Variants in SORBS2 observed in about 807,000 individuals in gnomAD.
The protein encoded by SORBS2 is sorbin and SH3 domain-containing protein 2.
A neutral mutation model predicts 97.7 loss-of-function variants in SORBS2; 46 were observed. The ratio of observed to expected loss-of-function variants is 0.47; its 90% CI spans 0.37 to 0.60. SORBS2 has a LOEUF of 0.60. Ranked by LOEUF, SORBS2 falls within the 20% of genes least tolerant of loss-of-function variation. SORBS2 has a pLI of 0.00. For synonymous variants in SORBS2, 476 were observed against 473.4 expected, an observed-to-expected ratio of 1.01 and a Z score of -0.07; for missense variants, 1,316 against 1,282.3, an observed-to-expected ratio of 1.03 and a Z score of -0.40.
intron 2 of SORBS2, among the ~76,000 whole-genome samples, chr4:185,682,770 G>A (rs559310368): frequency 2.0e-5 from 3 of 152,194 alleles, no homozygotes; most frequent in South Asian, 2.1e-4. Flanking sequence ...CAGCACTTTC[G>A]GAGGCTGAGG....
chr4:185,624,414 A>G (rs1453390242), exon 7 of SORBS2: 1 of 1,614,180 alleles, frequency 6.2e-7, no homozygotes, highest in Admixed American at 1.7e-5. Context: ...TAAGTGCTAC[A>G]GTAATCTAAC....
At chr4:185,638,703 G>A (rs558119776) in intron 4 of SORBS2, among the ~76,000 whole-genome samples, 174 bp downstream of exon 14, 1 of 151,818 alleles carries the variant, frequency 6.6e-6, no homozygotes, top group Non-Finnish European at 1.5e-5. Context: ...CGAGCTGGGG[G>A]GAGGGGGACA....
At chr4:185,800,036 A>C (rs13111224) in intron 1 of SORBS2, among the ~76,000 whole-genome samples, 70,179 of 152,030 alleles carry the variant, frequency 0.46, 16,883 homozygotes, top group East Asian at 0.65. Context: ...GTCTCTGCTA[A>C]AAATACTATT....
chr4:185,841,281 G>A (rs1463257217), intron 1 of SORBS2, among the ~76,000 whole-genome samples: 1 of 152,132 alleles, frequency 6.6e-6, no homozygotes, highest in East Asian at 1.9e-4. Flanking sequence ...ACAGTTAGTT[G>A]TTGCCAAAAA....
At chr4:185,773,291 G>A (rs554893497) in intron 2 of SORBS2, 1 of 152,312 alleles carries the variant, frequency 6.6e-6, no homozygotes, top group African/African-American at 2.4e-5. Flanking sequence ...CAAAATAACG[G>A]GAGGATTTAA....
Position 185,635,827 on chromosome 4 carries a change from C to A in SORBS2, c.397-5229G>T, listed in dbSNP as rs190640208. Among the ~76,000 whole-genome samples the A allele has an allele frequency of 2.7e-3, 400 of 150,924 alleles. 1 individual carries two copies. The highest frequency in any genetic ancestry group is 9.3e-3 in the African/African-American group (379 of 40,908). ...ACTTAGGCTCAGTACAGAATAGTCC[C>A]TATAAGCTTTCTTTTTGAATTATTT... On this transcript the variant is annotated intron_variant, in intron 4 of 14. Coordinates refer to ENST00000418609, the Ensembl canonical transcript of SORBS2.
chr4:185,646,019 T>C (rs2097201316), intron 4 of SORBS2: 1 of 152,224 alleles, frequency 6.6e-6, no homozygotes, highest in African/African-American at 2.4e-5. Context: ...AAGTGAAATA[T>C]AATCTTGATC....
chr4:185,820,050 T>C (rs888580264), intron 1 of SORBS2, among the ~76,000 whole-genome samples: 5 of 152,166 alleles, frequency 3.3e-5, no homozygotes, highest in Admixed American at 2.0e-4. Context: ...GGTATTATCT[T>C]GAATTTTGTA....
At chr4:185,769,730 T>C (rs950908403) in intron 2 of SORBS2, among the ~76,000 whole-genome samples, 1 of 152,186 alleles carries the variant, frequency 6.6e-6, no homozygotes, top group African/African-American at 2.4e-5. Flanking sequence ...CCTCAGGTGA[T>C]CCACCCGCCT....
intron 1 of SORBS2, among the ~76,000 whole-genome samples, chr4:185,896,041 T>C (rs182995099): frequency 7.9e-5 from 12 of 152,268 alleles, no homozygotes; most frequent in South Asian, 4.1e-4. Context: ...TATCCAGCTC[T>C]GAACAAGGAT....
chr4:185,706,165 C>T (rs2098338853), intron 2 of SORBS2, among the ~76,000 whole-genome samples: 1 of 152,078 alleles, frequency 6.6e-6, no homozygotes, highest in Non-Finnish European at 1.5e-5. Flanking sequence ...TCTAAATCAC[C>T]AAATTATATC....
chr4:185,760,757 C>T (rs1340797556), intron 2 of SORBS2, among the ~76,000 whole-genome samples: 3 of 152,156 alleles, frequency 2.0e-5, no homozygotes, highest in African/African-American at 7.2e-5. Flanking sequence ...GTGTGCAGTG[C>T]ATTAAAAACA....
intron 1 of SORBS2, among the ~76,000 whole-genome samples, chr4:185,907,002 G>A (rs1020969037): frequency 6.6e-6 from 1 of 152,082 alleles, no homozygotes; most frequent in Non-Finnish European, 1.5e-5. Flanking sequence ...AGGGTGTGGT[G>A]GTGCGAGCCT....
At chr4:185,868,639 C>T (rs901114363) in intron 1 of SORBS2, among the ~76,000 whole-genome samples, 4 of 152,084 alleles carry the variant, frequency 2.6e-5, no homozygotes, top group African/African-American at 9.7e-5. Flanking sequence ...TTTTGTGCCA[C>T]CACCGGTTGT....
At chr4:185,785,346 G>T (rs2099051377) in intron 1 of SORBS2, among the ~76,000 whole-genome samples, 2 of 152,088 alleles carry the variant, frequency 1.3e-5, no homozygotes, top group East Asian at 3.8e-4. Context: ...GTTAAACAAA[G>T]TTAAAAATAC....
At chr4:185,666,291 CA>C in intron 4 of SORBS2, 3 of 680,414 alleles carry the variant, frequency 4.4e-6, no homozygotes, top group Non-Finnish European at 6.7e-6. Flanking sequence ...GAAGGCAAAG[CA>C]TCGGTTTTAT....
At chr4:185,891,217 C>T (rs376912893) in intron 1 of SORBS2, among the ~76,000 whole-genome samples, 1 of 152,106 alleles carries the variant, frequency 6.6e-6, no homozygotes, top group Non-Finnish European at 1.5e-5. Flanking sequence ...TGAAATTAAA[C>T]CCAAGAAGCC....
At chr4:185,632,587 G>A (rs1348225327) in intron 4 of SORBS2, among the ~76,000 whole-genome samples, 2 of 152,208 alleles carry the variant, frequency 1.3e-5, no homozygotes, top group African/African-American at 2.4e-5. Flanking sequence ...ACACTGAAGA[G>A]CCTGAGAGCA....
intron 1 of SORBS2, among the ~76,000 whole-genome samples, chr4:185,893,332 A>C (rs2099243388): frequency 6.6e-6 from 1 of 152,214 alleles, no homozygotes; most frequent in Non-Finnish European, 1.5e-5. Flanking sequence ...ATGGGCTGCA[A>C]TACACCAGAC....
Sources: gnomAD v4.1 joint callset for allele counts (sites outside exome capture counted in the v4.1 genomes callset) on GRCh38, gnomAD v4.1.1 for gene constraint, MANE v1.5 for transcripts, NCBI Gene and HGNC (gene_info 2026-07-23, HGNC 2026-07-21) for gene names.